Variants in ANAPC10 observed in about 807,000 individuals in gnomAD.
The protein encoded by ANAPC10 is anaphase promoting complex subunit 10.
A neutral mutation model predicts 22.0 loss-of-function variants in ANAPC10; 12 were observed. The observed-to-expected ratio is 0.55, with a 90% confidence interval of 0.35 to 0.88. ANAPC10 has a LOEUF of 0.88. ANAPC10 is among the 40% of genes least tolerant of loss of function. The pLI is 0.01. For missense variants in ANAPC10, 188 were observed against 220.9 expected, an observed-to-expected ratio of 0.85 and a Z score of 0.94; for synonymous variants, 65 against 69.5, an observed-to-expected ratio of 0.94 and a Z score of 0.32.
At chr4:145,018,642 CT>C (rs1735566475) in intron 4 of ANAPC10, among the ~76,000 whole-genome samples, 1 of 150,198 alleles carries the variant, frequency 6.7e-6, no homozygotes, top group Admixed American at 6.6e-5. Context: ...ATCTCAAAAT[CT>C]CGAAATCTAA....
intron 4 of ANAPC10, among the ~76,000 whole-genome samples, chr4:145,039,585 CTA>C (rs773890703): frequency 7.9e-5 from 12 of 151,954 alleles, no homozygotes; most frequent in Non-Finnish European, 1.6e-4. Context: ...TGCAATAGCC[CTA>C]TGAGGTATAC....
intron 4 of ANAPC10, among the ~76,000 whole-genome samples, chr4:145,041,785 A>G (rs1237621127): frequency 1.3e-5 from 2 of 152,222 alleles, no homozygotes; most frequent in Admixed American, 6.5e-5. Flanking sequence ...ATCCTAAATA[A>G]CCACAAGAAA....
intron 4 of ANAPC10, among the ~76,000 whole-genome samples, chr4:145,021,995 A>G (rs55816835): frequency 0.28 from 42,432 of 152,094 alleles, 7,439 homozygotes; most frequent in Non-Finnish European, 0.38. Context: ...AGGAATGGCC[A>G]TAATCAAAAA....
chr4:145,061,243 A>G (rs936585084), intron 4 of ANAPC10, among the ~76,000 whole-genome samples: 1 of 152,160 alleles, frequency 6.6e-6, no homozygotes, highest in African/African-American at 2.4e-5. Context: ...ACATAATAGA[A>G]GCAAAGACTA....
chr4:145,008,760 T>G (rs1733824313), intron 4 of ANAPC10, among the ~76,000 whole-genome samples: 1 of 152,144 alleles, frequency 6.6e-6, no homozygotes, highest in Non-Finnish European at 1.5e-5. Flanking sequence ...CTGGAAGCAT[T>G]CCCTTTGAAA....
In ANAPC10 at chr4:145,037,718, A is replaced by C. The variant is rs1738804003; in HGVS notation, c.327+26854T>G. 2.0e-5 allele frequency among the ~76,000 whole-genome samples: 3 copies of C among 152,168 alleles called. 1 individual carries two copies. The highest frequency in any genetic ancestry group is 1.3e-4 in the Admixed American group (2 of 15,268). On this transcript the variant is annotated intron_variant, in intron 4 of 4. Transcript: ENST00000507656. ...TCCCATGTCTTTCGGAGGCCAAGGC[A>C]GGCAGATCCCTGGAGCCCAGGAGTT...
At chr4:145,036,536 T>C (rs1286116551) in intron 4 of ANAPC10, among the ~76,000 whole-genome samples, 2 of 151,980 alleles carry the variant, frequency 1.3e-5, no homozygotes, top group Non-Finnish European at 2.9e-5. Flanking sequence ...TTTTAAGAGA[T>C]TGGGGTCTTA....
intron 4 of ANAPC10, among the ~76,000 whole-genome samples, chr4:145,017,301 T>G (rs1485904067): frequency 2.6e-5 from 4 of 151,074 alleles, no homozygotes; most frequent in African/African-American, 9.7e-5. Context: ...CATCAAAAAG[T>G]GGGTGAAGGA....
chr4:145,081,585 A>C, intron 3 of ANAPC10, 75 bp downstream of exon 3: 2 of 954,240 alleles, frequency 2.1e-6, no homozygotes, highest in Admixed American at 2.4e-5. Flanking sequence ...TCTATCTTTA[A>C]TTTTTATGTT....
intron 2 of ANAPC10, among the ~76,000 whole-genome samples, chr4:145,089,450 T>C (rs1579167789): frequency 6.6e-6 from 1 of 152,174 alleles, no homozygotes; most frequent in South Asian, 2.1e-4. Context: ...TTTTTCAACA[T>C]TGGATTAATT....
intron 4 of ANAPC10, among the ~76,000 whole-genome samples, chr4:145,029,786 G>A (rs1254657309): frequency 1.3e-5 from 2 of 152,072 alleles, no homozygotes; most frequent in African/African-American, 2.4e-5. Flanking sequence ...ATGGGGTAGT[G>A]GATTAGTCAC....
chr4:145,005,370 T>A (rs996062395), intron 4 of ANAPC10, among the ~76,000 whole-genome samples: 4 of 152,190 alleles, frequency 2.6e-5, no homozygotes. Context: ...TTTTCTTTAT[T>A]AGTCTAGCTA....
intron 4 of ANAPC10, among the ~76,000 whole-genome samples, chr4:145,006,342 G>A (rs931688336): frequency 3.5e-4 from 54 of 152,142 alleles, no homozygotes; most frequent in African/African-American, 1.1e-3. Flanking sequence ...AAACATAAAG[G>A]GATTTGCTGG....
At chr4:145,064,541 T>C (rs1389276352) in intron 4 of ANAPC10, 31 bp downstream of exon 4, 4 of 1,566,012 alleles carry the variant, frequency 2.6e-6, no homozygotes, top group Admixed American at 3.4e-5. Context: ...AGTTAAAGGA[T>C]GACATATTTT....
chr4:145,062,035 C>T (rs1742964378), intron 4 of ANAPC10, among the ~76,000 whole-genome samples: 2 of 150,686 alleles, frequency 1.3e-5, no homozygotes, highest in African/African-American at 4.9e-5. Context: ...TGCACTCCAG[C>T]CTGGGTGACA....
chr4:145,057,170 TAAGAA>T (rs1742182270), intron 4 of ANAPC10, among the ~76,000 whole-genome samples: 1 of 152,172 alleles, frequency 6.6e-6, no homozygotes, highest in Non-Finnish European at 1.5e-5. Flanking sequence ...AATATTATAA[TAAGAA>T]AAGATAGAAT....
rs781501474 is a variant in ANAPC10 at position 145,096,008 on chromosome 4, C to T, written c.92G>A (p.Trp31Ter). 1.9e-6 allele frequency: 3 copies of T among 1,614,074 alleles called. No homozygotes were observed. In the Admixed American group the frequency reaches 5.0e-5, roughly 27 times the overall value. ...ACCTGGTTTGCAAGATGAGAGTGAC[C>T]AAACAGCTTGTGACCCAATTTCCCG... ...TVREIGSQAV[W>*]SLSSCKPGFG... The change falls in exon 2 of 5, where the codon TGG becomes TAG. Residue 31 changes from tryptophan to a stop codon, truncating the protein, a stop_gained. Coordinates refer to ENST00000507656, the MANE Select transcript of ANAPC10 (RefSeq NM_001256706.2). LOFTEE classifies it high-confidence loss of function.
intron 2 of ANAPC10, among the ~76,000 whole-genome samples, 175 bp downstream of exon 2, chr4:145,095,810 G>A (rs532382825): frequency 6.6e-6 from 1 of 152,122 alleles, no homozygotes; most frequent in African/African-American, 2.4e-5. Flanking sequence ...CTTTATCACA[G>A]GTATTTATGT....
At chr4:145,060,170 T>C (rs1449445192) in intron 4 of ANAPC10, among the ~76,000 whole-genome samples, 2 of 152,100 alleles carry the variant, frequency 1.3e-5, no homozygotes, top group East Asian at 3.8e-4. Context: ...TTATGTGGAA[T>C]AGGATATTTT....
Sources: allele counts gnomAD v4.1 joint callset (sites outside exome capture counted in the v4.1 genomes callset), GRCh38; gene constraint gnomAD v4.1.1; transcripts MANE v1.5; gene names NCBI Gene and HGNC (gene_info 2026-07-23, HGNC 2026-07-21).